The following MKX variants were observed in gnomAD, a reference collection of about 807,000 sequenced individuals.
MKX encodes mohawk homeobox, also known as homeobox protein Mohawk.
In MKX, 13 loss-of-function variants were observed where a neutral mutation model predicts 36.0. The observed-to-expected ratio is 0.36, with a 90% CI of 0.24 to 0.57. MKX has a LOEUF of 0.57. MKX is among the 20% of genes least tolerant of loss of function. The probability of loss-of-function intolerance (pLI) is 0.79; values close to 1 mark genes in which losing one functional copy is unlikely to be tolerated. For synonymous variants in MKX, 176 were observed against 178.3 expected (o/e 0.99, Z 0.10); for missense variants, 458 against 456.4 (o/e 1.00, Z -0.03).
chr10:27,741,216 A>G lies in MKX; in HGVS notation c.348+129T>C, dbSNP rs1301373949. 2 of 1,172,224 alleles carry G rather than the reference A, an allele frequency of 1.7e-6. No homozygotes were observed. Among genetic ancestry groups the G allele is most frequent in the African/African-American group, 3.1e-5 (2 of 64,276 alleles). The allele number at this position is 1,172,224 out of a possible 1,614,324, so 72.6% of individuals were successfully genotyped here. ...GATGAGGGTGAGAGGTAATTCAGAA[A>G]CTCCCACAGCTCGGCTCCATCCCTC... On this transcript the variant is annotated intron_variant, in intron 3 of 6. Transcript: ENST00000419761. This position sits in a 1 kb window ranked among gnomAD's most constrained non-coding sequence, Gnocchi z 5.1.
intron 5 of MKX, among the ~76,000 whole-genome samples, chr10:27,723,065 A>G (rs897762997): frequency 2.6e-5 from 4 of 152,230 alleles, no homozygotes; most frequent in African/African-American, 9.6e-5. Context: ...CATAGTAACC[A>G]TGAAATAGTC....
At chr10:27,686,291 C>T (rs1836345703) in intron 5 of MKX, among the ~76,000 whole-genome samples, 1 of 151,354 alleles carries the variant, frequency 6.6e-6, no homozygotes, top group Non-Finnish European at 1.5e-5. Flanking sequence ...ATTATTTATC[C>T]TCGGGGTATA....
intron 5 of MKX, among the ~76,000 whole-genome samples, chr10:27,692,688 GATA>G (rs1220482494): frequency 6.6e-6 from 1 of 152,148 alleles, no homozygotes; most frequent in East Asian, 1.9e-4. Flanking sequence ...TCTAGGGTAG[GATA>G]ATAAGCTTTT....
At chr10:27,716,448 A>C (rs1168706353) in intron 5 of MKX, among the ~76,000 whole-genome samples, 2 of 151,314 alleles carry the variant, frequency 1.3e-5, no homozygotes, top group African/African-American at 4.9e-5. Context: ...AAAAAAAAAA[A>C]AAGCACACTG....
At chr10:27,701,827 GTATATATATATA>G (rs10609979) in intron 5 of MKX, among the ~76,000 whole-genome samples, 1 of 145,492 alleles carries the variant, frequency 6.9e-6, no homozygotes, top group African/African-American at 2.5e-5. Flanking sequence ...GTGTGTGTGT[GTATATATATATA>G]TATATATACA....
intron 5 of MKX, among the ~76,000 whole-genome samples, chr10:27,724,287 G>T (rs1382336439): frequency 6.6e-6 from 1 of 152,198 alleles, no homozygotes; most frequent in Non-Finnish European, 1.5e-5. Context: ...CAGTGGGCAA[G>T]TGGCAGTTTT....
intron 5 of MKX, among the ~76,000 whole-genome samples, chr10:27,681,445 C>T (rs186943998): frequency 8.6e-5 from 13 of 150,608 alleles, no homozygotes; most frequent in African/African-American, 1.5e-4. Flanking sequence ...AGGACTCCAT[C>T]GCAAAACAAA....
At chr10:27,739,053 C>T (rs957716521) in intron 3 of MKX, among the ~76,000 whole-genome samples, 3 of 151,996 alleles carry the variant, frequency 2.0e-5, no homozygotes, top group Non-Finnish European at 4.4e-5. Context: ...TTTAACAAAT[C>T]GTATGTGGAC....
At chr10:27,708,192 C>T (rs1327408210) in intron 5 of MKX, among the ~76,000 whole-genome samples, 1 of 152,156 alleles carries the variant, frequency 6.6e-6, no homozygotes, top group Admixed American at 6.5e-5. Flanking sequence ...CAAACAATCA[C>T]AAGAGATGCT....
intron 5 of MKX, among the ~76,000 whole-genome samples, chr10:27,711,155 CA>C (rs1457772649): frequency 6.6e-6 from 1 of 152,156 alleles, no homozygotes; most frequent in African/African-American, 2.4e-5. Context: ...ACCCTGGAAA[CA>C]GAGATAAATC....
intron 5 of MKX, among the ~76,000 whole-genome samples, chr10:27,678,166 G>C (rs1051591537): frequency 3.3e-5 from 5 of 152,122 alleles, no homozygotes; most frequent in Non-Finnish European, 4.4e-5. Context: ...ATTTTTTATT[G>C]AGTTCTATTC....
rs1036809501 is a variant in MKX at position 27,741,774 on chromosome 10, A to C, written c.189-270T>G. On this transcript the variant is annotated intron_variant, in intron 2 of 6. Coordinates refer to ENST00000419761, the MANE Select transcript of MKX (RefSeq NM_173576.3). This position sits in a 1 kb window ranked among gnomAD's most constrained non-coding sequence, Gnocchi z 5.1. ...TTAGAGGTTTAGAAGACGAAGGTCAAGTGATTTGAAGAATACTGCTATTCC... is the reference window on the plus strand; with the variant it reads ...TTAGAGGTTTAGAAGACGAAGGTCACGTGATTTGAAGAATACTGCTATTCC... Among the ~76,000 whole-genome samples the C allele has an allele frequency of 6.6e-6, 1 of 152,260 alleles. No homozygotes were observed. Among genetic ancestry groups the C allele is most frequent in the African/African-American group, 2.4e-5 (1 of 41,476 alleles).
chr10:27,736,750 C>T (rs980140677), intron 3 of MKX, among the ~76,000 whole-genome samples: 4 of 151,944 alleles, frequency 2.6e-5, no homozygotes, highest in Non-Finnish European at 5.9e-5. Context: ...TCCCTGTCCT[C>T]ATGGGTAAAC....
intron 5 of MKX, among the ~76,000 whole-genome samples, chr10:27,705,741 G>GT (rs1442514437): frequency 2.0e-5 from 3 of 152,250 alleles, no homozygotes; most frequent in East Asian, 3.9e-4. Context: ...TATCACTATT[G>GT]TTTTTTCTGG....
intron 5 of MKX, among the ~76,000 whole-genome samples, chr10:27,726,063 G>A (rs1425347412): frequency 2.0e-5 from 3 of 152,130 alleles, no homozygotes; most frequent in African/African-American, 7.2e-5. Flanking sequence ...GGATGTGACT[G>A]ACCACTGAAG....
At chr10:27,705,234 G>C (rs531994202) in intron 5 of MKX, among the ~76,000 whole-genome samples, 3 of 118,660 alleles carry the variant, frequency 2.5e-5, no homozygotes, top group African/African-American at 9.7e-5. Flanking sequence ...AATTGGGATT[G>C]AATGCTACAC....
At chr10:27,738,030 A>T (rs1834816071) in intron 3 of MKX, among the ~76,000 whole-genome samples, 1 of 152,050 alleles carries the variant, frequency 6.6e-6, no homozygotes, top group African/African-American at 2.4e-5. Context: ...TATCTCTTTT[A>T]AGTTTTATAT....
intron 3 of MKX, among the ~76,000 whole-genome samples, chr10:27,740,819 T>A (rs531103140): frequency 6.6e-6 from 1 of 152,294 alleles, no homozygotes; most frequent in East Asian, 1.9e-4. Context: ...AAACATCATT[T>A]CTTGTCTTTC....
chr10:27,690,355 G>A (rs1836431803), intron 5 of MKX, among the ~76,000 whole-genome samples: 1 of 140,334 alleles, frequency 7.1e-6, no homozygotes, highest in African/African-American at 2.8e-5. Flanking sequence ...GGGCGACAGA[G>A]TGAGACTCCA....
Sources: allele counts gnomAD v4.1 joint callset (sites outside exome capture counted in the v4.1 genomes callset), GRCh38; gene constraint gnomAD v4.1.1; non-coding constraint Gnocchi (gnomAD v3.1); transcripts MANE v1.5; gene names NCBI Gene and HGNC (gene_info 2026-07-23, HGNC 2026-07-21).